PTPN22: variants seen among roughly 807,000 people sequenced by gnomAD.
PTPN22 encodes protein tyrosine phosphatase non-receptor type 22, also known as tyrosine-protein phosphatase non-receptor type 22.
PTPN22 carries 85 observed loss-of-function variants against 103.3 expected under a neutral mutation model. The ratio of observed to expected loss-of-function variants is 0.82; its 90% confidence interval spans 0.69 to 0.99. The LOEUF is 0.99. Among genes scored for constraint, PTPN22 ranks in the 50% least tolerant of loss-of-function variants. PTPN22 has a pLI of 0.00. For synonymous variants in PTPN22, 323 were observed against 310.2 expected (o/e 1.04, Z -0.43); for missense variants, 865 against 936.9 (o/e 0.92, Z 1.00).
At chr1:113,837,473 GAAAA>G in intron 13 of PTPN22, 113 bp downstream of exon 13, 2 of 750,512 alleles carry the variant, frequency 2.7e-6, no homozygotes, top group Non-Finnish European at 4.1e-6. Flanking sequence ...AAAAAAAAGA[GAAAA>G]AAGAAAGAAA....
chr1:113,836,876 T>C (rs981622688), intron 13 of PTPN22, among the ~76,000 whole-genome samples: 1 of 151,944 alleles, frequency 6.6e-6, no homozygotes, highest in Non-Finnish European at 1.5e-5. Flanking sequence ...CAATGAGCAA[T>C]GTCCACACCA....
At chr1:113,867,569 G>A (rs1666217939) in intron 1 of PTPN22, among the ~76,000 whole-genome samples, 1 of 152,156 alleles carries the variant, frequency 6.6e-6, no homozygotes, top group South Asian at 2.1e-4. Flanking sequence ...GCAATTAGTT[G>A]TTTAATGTCT....
At position 113,837,996 on chromosome 1, in the gene PTPN22, GT is replaced by G; in HGVS notation, c.1403del (p.Asn468ThrfsTer15). ...GTGGTTGAGATTCCAAATAAGAAAAGTTTTCCTTGCTGTCCACCTCCTTGGT... is the reference window on the plus strand; with the variant it reads ...GTGGTTGAGATTCCAAATAAGAAAAGTTTCCTTGCTGTCCACCTCCTTGGT... On this transcript the variant is annotated frameshift_variant, in exon 13 of 21. Transcript: ENST00000359785. LOFTEE classifies it high-confidence loss of function. The G allele has an allele frequency of 1.2e-6, 2 of 1,614,074 alleles. No homozygotes were observed. Among genetic ancestry groups the G allele is most frequent in the Non-Finnish European group, 1.7e-6 (2 of 1,180,016 alleles).
rs572793962 is a variant in PTPN22, at chr1:113,864,089, C to A, written c.88-4629G>T. 678 of 347,598 alleles carry A rather than the reference C, an allele frequency of 2.0e-3. 2 individuals are homozygous for A. Among genetic ancestry groups the A allele is most frequent in the Non-Finnish European group, 3.0e-3 (536 of 176,980 alleles). The allele number at this position is 347,598 out of a possible 1,614,324, so 21.5% of individuals were successfully genotyped here. On this transcript the variant is annotated intron_variant, in intron 1 of 20. Transcript: ENST00000359785. ...TCGCACCATTGCACTCTGGTCTGGGCAAAAAGAGCAAAACTCCATCTCAAA... is the reference window on the plus strand; with the variant it reads ...TCGCACCATTGCACTCTGGTCTGGGAAAAAAGAGCAAAACTCCATCTCAAA...
chr1:113,827,042 G>A (rs1397252327), intron 18 of PTPN22, among the ~76,000 whole-genome samples: 1 of 152,114 alleles, frequency 6.6e-6, no homozygotes. Context: ...CAGCATGTAT[G>A]TTTTTAATCT....
At chr1:113,859,959 C>CTTTTTT (rs35810164) in intron 1 of PTPN22, among the ~76,000 whole-genome samples, 2 of 114,834 alleles carry the variant, frequency 1.7e-5, no homozygotes, top group African/African-American at 3.4e-5. Flanking sequence ...AAAGCAGTCA[C>CTTTTTT]TTTTTTTTTT....
chr1:113,814,714 A>G, exon 21 of PTPN22: 1 of 565,290 alleles, frequency 1.8e-6, no homozygotes, highest in South Asian at 2.3e-5. Flanking sequence ...TTTCAACTCA[A>G]TGCAAATGAT....
At chr1:113,852,742 G>A (rs1664680931) in intron 9 of PTPN22, among the ~76,000 whole-genome samples, 2 of 152,256 alleles carry the variant, frequency 1.3e-5, no homozygotes, top group South Asian at 4.1e-4. Context: ...TACACTATTG[G>A]AATCTCCAAA....
chr1:113,834,767 C>T lies in PTPN22; in HGVS notation c.1894+143G>A, dbSNP rs116629558. The T allele has an allele frequency of 6.6e-3, 5,004 of 761,690 alleles. 190 individuals are homozygous for T. In the African/African-American group the frequency reaches 0.08, roughly 12 times the overall value. 47.2% of individuals were successfully genotyped at this position (761,690 alleles called of 1,614,324 possible). Reference sequence around the variant, plus strand: ...TTAGAGATGAGGTCTCACTATGTTGCGCAGGCTAGTCTTGAACTCCTGGCC... The same window carrying T: ...TTAGAGATGAGGTCTCACTATGTTGTGCAGGCTAGTCTTGAACTCCTGGCC... On this transcript the variant is annotated intron_variant, in intron 14 of 20. Transcript: ENST00000359785.
chr1:113,869,873 A>T (rs1421490889), intron 1 of PTPN22, among the ~76,000 whole-genome samples: 1 of 152,176 alleles, frequency 6.6e-6, no homozygotes, highest in Non-Finnish European at 1.5e-5. Context: ...TAACTCTACC[A>T]GAGGGGCTCA....
chr1:113,830,361 A>C (rs961358607), intron 16 of PTPN22, among the ~76,000 whole-genome samples: 1 of 152,204 alleles, frequency 6.6e-6, no homozygotes, highest in African/African-American at 2.4e-5. Context: ...ATTGTGATAC[A>C]ATTAGCCAAA....
intron 11 of PTPN22, among the ~76,000 whole-genome samples, chr1:113,841,734 C>G (rs905463395): frequency 3.3e-5 from 5 of 151,976 alleles, no homozygotes; most frequent in African/African-American, 1.2e-4. Flanking sequence ...TCCCAAGTAC[C>G]TGGGATTACA....
At chr1:113,823,306 C>G (rs1661776787) in intron 19 of PTPN22, 1 of 152,164 alleles carries the variant, frequency 6.6e-6, no homozygotes, top group African/African-American at 2.4e-5. Flanking sequence ...GAAGAAGAAT[C>G]CTAATTTCAT....
chr1:113,818,550 C>A (rs929106369), intron 20 of PTPN22, among the ~76,000 whole-genome samples: 2 of 152,160 alleles, frequency 1.3e-5, no homozygotes, highest in African/African-American at 4.8e-5. Flanking sequence ...TTTAGTTAAA[C>A]ATTTTGTGAA....
At chr1:113,848,655 G>GAAAACA (rs1664302964) in intron 10 of PTPN22, 29 bp from the exon 11 acceptor site, 1 of 1,583,170 alleles carries the variant, frequency 6.3e-7, no homozygotes, top group South Asian at 1.2e-5. Flanking sequence ...CAGAACAAAT[G>GAAAACA]AAAACAAAAA....
At chr1:113,827,337 A>G (rs1477928251) in intron 18 of PTPN22, among the ~76,000 whole-genome samples, 1 of 152,122 alleles carries the variant, frequency 6.6e-6, no homozygotes, top group Non-Finnish European at 1.5e-5. Context: ...TCAGTTTCTA[A>G]TGCTCCTCCT....
rs530098018 is a variant in PTPN22 at position 113,826,810 on chromosome 1, C to G, written c.2251-1638G>C. Among the ~76,000 whole-genome samples, 488 of 150,008 alleles carry G rather than the reference C, an allele frequency of 3.3e-3. 2 individuals carry two copies. The highest frequency in any genetic ancestry group is 5.3e-3 in the Non-Finnish European group (354 of 66,966). On this transcript the variant is annotated intron_variant, in intron 18 of 20. Transcript: ENST00000359785. ...TCAGCCTCCCAAGTAGCTGGGACTACAGGCGCCCGCCACTACGCCCGGCTA... is the reference window on the plus strand; with the variant it reads ...TCAGCCTCCCAAGTAGCTGGGACTAGAGGCGCCCGCCACTACGCCCGGCTA...
chr1:113,822,833 G>C (rs981269518), intron 19 of PTPN22, among the ~76,000 whole-genome samples: 1 of 152,084 alleles, frequency 6.6e-6, no homozygotes, highest in Non-Finnish European at 1.5e-5. Context: ...AGTGGTGTGC[G>C]CCTGTCATCC....
rs750235163 is a variant in PTPN22 at position 113,866,240 on chromosome 1, C to T, written c.87+5297G>A. ...TAAAACCAGATGGACAGGCTGGGCG[C>T]GGTGGCTCACACCTGTAATCCCAGT... On this transcript the variant is annotated intron_variant, in intron 1 of 20. Transcript: ENST00000359785. 5.1e-4 allele frequency among the ~76,000 whole-genome samples: 78 copies of T among 152,072 alleles called. 1 individual carries two copies. The highest frequency in any genetic ancestry group is 2.2e-3 in the Admixed American group (34 of 15,266).
Sources: gnomAD v4.1 joint callset for allele counts (sites outside exome capture counted in the v4.1 genomes callset) on GRCh38, gnomAD v4.1.1 for gene constraint, MANE v1.5 for transcripts, NCBI Gene and HGNC (gene_info 2026-07-23, HGNC 2026-07-21) for gene names.